The following PHACTR1 variants were observed in gnomAD, a reference collection of about 807,000 sequenced individuals.
The protein encoded by PHACTR1 is RPEL repeat containing 1.
In PHACTR1, 16 loss-of-function variants were observed where a neutral mutation model predicts 69.2. The observed-to-expected ratio is 0.23, with a 90% CI of 0.16 to 0.35. The LOEUF (loss-of-function observed/expected upper bound fraction) is 0.35, where lower values mean the gene tolerates loss of function less well. Among genes scored for constraint, PHACTR1 ranks in the 10% least tolerant of loss-of-function variants. The pLI is 1.00. For missense variants in PHACTR1, 510 were observed against 734.7 expected, an observed-to-expected ratio of 0.69 and a Z score of 3.54; for synonymous variants, 312 against 284.5, an observed-to-expected ratio of 1.10 and a Z score of -0.97.
At chr6:12,748,368 C>A (rs2127594061) in intron 3 of PHACTR1, among the ~76,000 whole-genome samples, 1 of 152,294 alleles carries the variant, frequency 6.6e-6, no homozygotes, top group Admixed American at 6.5e-5. Context: ...CAGATCAGCA[C>A]TTCCCCTGAG....
chr6:12,974,423 T>C (rs1794621088), intron 4 of PHACTR1, among the ~76,000 whole-genome samples: 1 of 152,218 alleles, frequency 6.6e-6, no homozygotes, highest in African/African-American at 2.4e-5. Context: ...ATGACAGGCT[T>C]CTGCTAGAAG....
At chr6:13,200,427 C>T (rs9463542) in intron 7 of PHACTR1, among the ~76,000 whole-genome samples, 3,543 of 152,098 alleles carry the variant, frequency 0.023, 137 homozygotes, top group African/African-American at 0.079. Flanking sequence ...ATTACAGGCA[C>T]GTGCCACCAC....
intron 6 of PHACTR1, among the ~76,000 whole-genome samples, chr6:13,175,482 A>G (rs1420027452): frequency 2.6e-5 from 4 of 152,146 alleles, no homozygotes; most frequent in Non-Finnish European, 4.4e-5. Context: ...CTGTGCTCTG[A>G]GTCAGGGCTT....
intron 4 of PHACTR1, among the ~76,000 whole-genome samples, chr6:12,933,374 A>T (rs1789084056): frequency 6.6e-6 from 1 of 152,344 alleles, no homozygotes; most frequent in African/African-American, 2.4e-5. Flanking sequence ...TAAAATGTTC[A>T]TGGAAAAGGA....
At chr6:13,062,758 C>T (rs1179167437) in intron 5 of PHACTR1, among the ~76,000 whole-genome samples, 2 of 152,154 alleles carry the variant, frequency 1.3e-5, no homozygotes, top group Non-Finnish European at 2.9e-5. Context: ...AGTTACATCA[C>T]ATTTTGTCTT....
intron 4 of PHACTR1, among the ~76,000 whole-genome samples, chr6:12,803,933 TC>T (rs1773996465): frequency 6.6e-6 from 1 of 152,126 alleles, no homozygotes; most frequent in Non-Finnish European, 1.5e-5. Context: ...AAAGAAAATC[TC>T]CAGGGAAAAG....
chr6:12,724,858 C>T (rs1022411527), intron 3 of PHACTR1, among the ~76,000 whole-genome samples: 2 of 152,138 alleles, frequency 1.3e-5, no homozygotes, highest in Non-Finnish European at 2.9e-5. Flanking sequence ...TTCAAATTAC[C>T]TTCTAAAGGG....
At chr6:13,073,618 T>A (rs1583237759) in intron 5 of PHACTR1, among the ~76,000 whole-genome samples, 2 of 151,576 alleles carry the variant, frequency 1.3e-5, no homozygotes, top group South Asian at 4.2e-4. Flanking sequence ...CTGGGATTAC[T>A]GGCATGAGCC....
chr6:12,957,365 G>C (rs555675180), intron 4 of PHACTR1: 2 of 984,826 alleles, frequency 2.0e-6, no homozygotes, highest in African/African-American at 3.5e-5. Context: ...TGAGTCAGAA[G>C]ACTCCCAGAG....
At chr6:12,817,780 G>A (rs1460186612) in intron 4 of PHACTR1, among the ~76,000 whole-genome samples, 2 of 151,820 alleles carry the variant, frequency 1.3e-5, no homozygotes, top group Admixed American at 6.6e-5. Flanking sequence ...ACTATATATT[G>A]TGGAAGATCA....
At position 12,792,050 on chromosome 6, in the gene PHACTR1, G is replaced by A. The variant is rs894850607; in HGVS notation, c.250+42260G>A. Among the ~76,000 whole-genome samples, 3 of 152,286 alleles carry A rather than the reference G, an allele frequency of 2.0e-5. No individual in the cohort carries two copies. In the East Asian group the frequency reaches 5.8e-4, roughly 29 times the overall value. On this transcript the variant is annotated intron_variant, in intron 4 of 14. Transcript: ENST00000332995. ...ATTTGAACAGCATCCCAAAGAAGAT[G>A]TTAGTATACATGCAGGTATATATGT...
chr6:13,281,085 C>T lies in PHACTR1; in HGVS notation c.1510-2337C>T, dbSNP rs773685800. ...TTTGGAAAGACGGTGTCCAAGGCCC[C>T]GCGATGTTCAGGCATAAGAAACAGC... On this transcript the variant is annotated intron_variant, in intron 12 of 14. Coordinates refer to ENST00000332995, the MANE Select transcript of PHACTR1 (RefSeq NM_030948.6). 1.1e-5 allele frequency: 14 copies of T among 1,289,488 alleles called. No homozygotes were observed. The African/African-American group carries it at 1.4e-4, about 13-fold the overall frequency. The allele number at this position is 1,289,488 out of a possible 1,614,324, so 79.9% of individuals were successfully genotyped here. A position where few individuals can be genotyped will look rare whatever the true frequency, so the allele number is the denominator to read the frequency against.
intron 4 of PHACTR1, among the ~76,000 whole-genome samples, chr6:13,030,283 G>A (rs1047012024): frequency 6.6e-6 from 1 of 152,144 alleles, no homozygotes; most frequent in African/African-American, 2.4e-5. Context: ...GAAAATATCT[G>A]TAGTTCCTAC....
chr6:13,278,936 C>T (rs1326035056), intron 12 of PHACTR1, among the ~76,000 whole-genome samples: 1 of 143,514 alleles, frequency 7.0e-6, no homozygotes, highest in Non-Finnish European at 1.5e-5. Flanking sequence ...GCACTCCAGC[C>T]TGGGCAACAG....
At chr6:12,887,481 T>G (rs2127463693) in intron 4 of PHACTR1, among the ~76,000 whole-genome samples, 1 of 152,254 alleles carries the variant, frequency 6.6e-6, no homozygotes. Flanking sequence ...CTTTCCTCCA[T>G]CCTGTCACTG....
intron 5 of PHACTR1, among the ~76,000 whole-genome samples, chr6:13,089,966 A>ACAGCAG: frequency 6.6e-6 from 1 of 152,356 alleles, no homozygotes; most frequent in East Asian, 1.9e-4. Context: ...GAAGTGGACA[A>ACAGCAG]CAGCAGGCTA....
At chr6:12,767,644 A>G (rs772304433) in intron 4 of PHACTR1, among the ~76,000 whole-genome samples, 5 of 152,170 alleles carry the variant, frequency 3.3e-5, no homozygotes, top group African/African-American at 9.7e-5. Flanking sequence ...AAACCAGATT[A>G]GGGTTTTACA....
rs140872670 is a variant in PHACTR1 at position 13,035,384 on chromosome 6, T to G, written c.251-17981T>G. Among the ~76,000 whole-genome samples, 978 of 152,162 alleles carry G rather than the reference T, an allele frequency of 6.4e-3. 10 individuals carry two copies. The highest frequency in any genetic ancestry group is 0.021 in the African/African-American group (871 of 41,534). On this transcript the variant is annotated intron_variant, in intron 4 of 14. Coordinates refer to ENST00000332995, the MANE Select transcript of PHACTR1 (RefSeq NM_030948.6). The stretch of plus-strand genomic sequence containing the variant: ...CCCCCTCCCATTTTTTAGGTAGGGG[T>G]TTATCTTTTCAAAATATAAATATTC...
chr6:12,845,438 C>CCCG lies in PHACTR1; in HGVS notation c.250+95650_250+95651insGCC, dbSNP rs1554149803. 2.9e-5 allele frequency among the ~76,000 whole-genome samples: 2 copies of CCCG among 69,480 alleles called. 1 individual carries two copies. Among genetic ancestry groups the CCCG allele is most frequent in the Non-Finnish European group, 7.0e-5 (2 of 28,428 alleles). 45.6% of individuals were successfully genotyped at this position (69,480 alleles called of 152,430 possible). A position where few individuals can be genotyped will look rare whatever the true frequency, so the allele number is the denominator to read the frequency against. ...ATTGTGAACACCACCCACCCCCCCC[C>CCCG]CCCCCGCCCTCCGTGCTGGGCAGTC... On this transcript the variant is annotated intron_variant, in intron 4 of 14. Coordinates refer to ENST00000332995, the MANE Select transcript of PHACTR1 (RefSeq NM_030948.6).
Sources: gnomAD v4.1 joint callset for allele counts (sites outside exome capture counted in the v4.1 genomes callset) on GRCh38, gnomAD v4.1.1 for gene constraint, MANE v1.5 for transcripts, NCBI Gene and HGNC (gene_info 2026-07-23, HGNC 2026-07-21) for gene names.